The following MT1E variants were observed in gnomAD, a reference collection of about 807,000 sequenced individuals.
The protein encoded by MT1E is metallothionein-1E.
In MT1E, 1 loss-of-function variant was observed where a neutral mutation model predicts 2.4. The observed-to-expected ratio is 0.41, with a 90% CI of 0.15 to 1.97. The LOEUF (loss-of-function observed/expected upper bound fraction) is 1.97. Ranked by LOEUF, MT1E falls within the 30% of genes most tolerant of loss-of-function variation. The pLI is 0.30. For synonymous variants in MT1E, 78 were observed against 63.0 expected (o/e 1.24, Z -1.13); for missense variants, 145 against 149.6 (o/e 0.97, Z 0.16).
chr16:56,626,375 C>A, intron 1 of MT1E, 91 bp from the exon 2 acceptor site: 2 of 1,584,496 alleles, frequency 1.3e-6, no homozygotes, highest in Non-Finnish European at 1.7e-6. Flanking sequence ...GCTGGCCCTG[C>A]ACAGAGGAGG....
chr16:56,625,818 A>G lies in MT1E; in HGVS notation c.-34A>G. ...AACTGCCTGACTGCTTGTTCGTCTC[A>G]CTGGTGTGAGCTCCAGCATCCCCTT... On this transcript the variant is annotated 5_prime_UTR_variant, in exon 1 of 2. Coordinates refer to ENST00000330439, the MANE Select transcript of MT1E (RefSeq NM_001363555.2). 6.2e-7 allele frequency: 1 copy of G among 1,612,344 alleles called. No individual in the cohort carries two copies. Among genetic ancestry groups the G allele is most frequent in the East Asian group, 2.2e-5 (1 of 44,860 alleles).
At chr16:56,626,379 G>C (rs1960208453) in intron 1 of MT1E, 87 bp from the exon 2 acceptor site, 2 of 1,592,904 alleles carry the variant, frequency 1.3e-6, no homozygotes, top group African/African-American at 1.3e-5. Context: ...GCCCTGCACA[G>C]AGGAGGGGGC....
chr16:56,626,131 C>T (rs1487644351), intron 1 of MT1E, among the ~76,000 whole-genome samples: 2 of 152,144 alleles, frequency 1.3e-5, no homozygotes, highest in Non-Finnish European at 1.5e-5. Flanking sequence ...TGGCTGGGCC[C>T]CAGTGCTCTG....
At position 56,627,112 on chromosome 16, in the gene MT1E, A is replaced by G; in HGVS notation, c.*291A>G. The G allele has an allele frequency of 8.3e-7, 1 of 1,208,012 alleles. No homozygotes were observed. Among genetic ancestry groups the G allele is most frequent in the East Asian group, 2.6e-5 (1 of 39,200 alleles). 74.8% of individuals were successfully genotyped at this position (1,208,012 alleles called of 1,614,324 possible). On this transcript the variant is annotated 3_prime_UTR_variant, in exon 2 of 2. Transcript: ENST00000330439. ...GACAATAAAAACAATTTTGACTTTA[A>G]TCTTACTCTGTTCTTCTTTGTGTGT...
At position 56,626,440 on chromosome 16, in the gene MT1E, C is replaced by T. The variant is rs1353550534; in HGVS notation, c.29-26C>T. 5.0e-6 allele frequency: 8 copies of T among 1,614,224 alleles called. No individual in the cohort carries two copies. The South Asian group carries it at 7.7e-5, about 16-fold the overall frequency. ...GTACCTTCTGCATCTCACTCACTGC[C>T]CACTGCGTTTTCCTCTTCCTTGTAG... is the stretch of plus-strand genomic sequence containing the variant. On this transcript the variant is annotated intron_variant, in intron 1 of 1. Transcript: ENST00000330439.
In MT1E at chr16:56,627,055, G is replaced by C. The variant is rs1191319762; in HGVS notation, c.*234G>C. Reference sequence around the variant, plus strand: ...TTAAAAATACAACACTGAGCCATTTGCTGCATTTCTTTTTATACTAAATAT... The same window carrying C: ...TTAAAAATACAACACTGAGCCATTTCCTGCATTTCTTTTTATACTAAATAT... On this transcript the variant is annotated 3_prime_UTR_variant, in exon 2 of 2. Coordinates refer to ENST00000330439, the MANE Select transcript of MT1E (RefSeq NM_001363555.2). 7.2e-6 allele frequency: 11 copies of C among 1,527,812 alleles called. No individual in the cohort carries two copies. The East Asian group carries it at 2.5e-4, about 35-fold the overall frequency. The allele number at this position is 1,527,812 out of a possible 1,614,324, so 94.6% of individuals were successfully genotyped here. A position where few individuals can be genotyped will look rare whatever the true frequency, so the allele number is the denominator to read the frequency against.
rs771733635 is a variant in MT1E at position 56,626,455 on chromosome 16, C to G, written c.29-11C>G. ...CACTCACTGCCCACTGCGTTTTCCT[C>G]TTCCTTGTAGGTGGCTCCTGCACGT... is the stretch of plus-strand genomic sequence containing the variant. On this transcript the variant is annotated splice_polypyrimidine_tract_variant and intron_variant, in intron 1 of 1. Transcript: ENST00000330439. 2 of 1,614,264 alleles carry G rather than the reference C, an allele frequency of 1.2e-6. No homozygotes were observed. Among genetic ancestry groups the G allele is most frequent in the South Asian group, 1.1e-5 (1 of 91,090 alleles).
At chr16:56,625,983 C>G in intron 1 of MT1E, 104 bp downstream of exon 1, 1 of 1,334,814 alleles carries the variant, frequency 7.5e-7, no homozygotes, top group South Asian at 1.2e-5. Context: ...ACGGGGACTC[C>G]AGTACTTCGT....
At chr16:56,626,425 C>T in intron 1 of MT1E, 41 bp from the exon 2 acceptor site, 1 of 1,614,196 alleles carries the variant, frequency 6.2e-7, no homozygotes, top group African/African-American at 1.3e-5. Context: ...GTACCTTCTG[C>T]ATCTCACTCA....
Position 56,626,685 on chromosome 16 carries a change from G to A in MT1E, c.248G>A (p.Arg83Lys), listed in dbSNP as rs1567342047. The change falls in exon 2 of 2, where the codon AGA becomes AAA. Residue 83 changes from arginine to lysine, a missense_variant. Physicochemically the swap from Arg to Lys is conservative, Grantham distance 26. Coordinates refer to ENST00000330439, the MANE Select transcript of MT1E (RefSeq NM_001363555.2). ...CTCCAGGCTTTCTGCCCTAAATTCA[G>A]ATGGGGCAGGACAGCATTTTTCTCG... Reference protein sequence around the residue: ...FPLQAFCPKFRWGRTAFFSWD... With the variant: ...FPLQAFCPKFKWGRTAFFSWD... 1.9e-6 allele frequency: 3 copies of A among 1,590,272 alleles called. No homozygotes were observed. In the South Asian group the frequency reaches 3.4e-5, roughly 18 times the overall value.
intron 1 of MT1E, 67 bp downstream of exon 1, chr16:56,625,946 A>C: frequency 6.3e-7 from 1 of 1,592,646 alleles, no homozygotes. Flanking sequence ...TCTGGGTTTC[A>C]GGAAGTCGCA....
At position 56,626,592 on chromosome 16, in the gene MT1E, G is replaced by C. The variant is rs767920008; in HGVS notation, c.155G>C (p.Arg52Thr). ...GLWLRLGGNS[R>T]LALSASFWGT... is the part of the protein sequence containing the mutation. ...TGGCTCAGGTTGGGAGGGAACTCAA[G>C]GCTGGCCCTGAGTGCATCCTTCTGG... Residue 52 changes from arginine (R) to threonine (T), a missense_variant, in exon 2 of 2, where the codon AGG becomes ACG. By Grantham distance (71) the Arg-to-Thr change is moderately conservative. Coordinates refer to ENST00000330439, the MANE Select transcript of MT1E (RefSeq NM_001363555.2). 6.2e-7 allele frequency: 1 copy of C among 1,614,106 alleles called. No individual in the cohort carries two copies. Among genetic ancestry groups the C allele is most frequent in the Non-Finnish European group, 8.5e-7 (1 of 1,180,040 alleles).
At position 56,626,673 on chromosome 16, in the gene MT1E, G is replaced by A. The variant is rs2037430035; in HGVS notation, c.236G>A (p.Cys79Tyr). 6.3e-7 allele frequency: 1 copy of A among 1,595,390 alleles called. No homozygotes were observed. Among genetic ancestry groups the A allele is most frequent in the Admixed American group, 1.8e-5 (1 of 55,814 alleles). The change falls in exon 2 of 2, where the codon TGC becomes TAC. Residue 79 changes from cysteine (C) to tyrosine (Y), a missense_variant. Cys to Tyr is a radical substitution (Grantham distance 194, BLOSUM62 -2). Transcript: ENST00000330439. ...LPVSFPLQAF[C>Y]PKFRWGRTAF... ...GTGTCATTCCCTCTCCAGGCTTTCT[G>A]CCCTAAATTCAGATGGGGCAGGACA... is the stretch of plus-strand genomic sequence containing the variant.
chr16:56,626,039 C>CCT (rs1960203648), intron 1 of MT1E, among the ~76,000 whole-genome samples, 160 bp downstream of exon 1: 1 of 152,108 alleles, frequency 6.6e-6, no homozygotes, highest in Non-Finnish European at 1.5e-5. Context: ...TTGCCCTCAT[C>CCT]CCTGGGCCTC....
Position 56,626,469 on chromosome 16 carries a change from G to T in MT1E, c.32G>T (p.Gly11Val). ...TGCGTTTTCCTCTTCCTTGTAGGTG[G>T]CTCCTGCACGTGCGCCGGCTCCTGC... The part of the protein sequence containing the change: MDPNCSCATG[G>V]SCTCAGSCKC... Residue 11 changes from glycine to valine, a missense_variant, in exon 2 of 2, where the codon GGC (glycine) becomes GTC (valine). By Grantham distance (109) the Gly-to-Val change is moderately radical. Coordinates refer to ENST00000330439, the MANE Select transcript of MT1E (RefSeq NM_001363555.2). 2 of 1,614,204 alleles carry T rather than the reference G, an allele frequency of 1.2e-6. No homozygotes were observed. The highest frequency in any genetic ancestry group is 1.7e-6 in the Non-Finnish European group (2 of 1,180,030).
chr16:56,625,966 C>G, intron 1 of MT1E, 87 bp downstream of exon 1: 1 of 1,513,344 alleles, frequency 6.6e-7, no homozygotes, highest in Non-Finnish European at 9.2e-7. Context: ...ATTTTAAGTT[C>G]TGAGCGACGG....
chr16:56,625,813 G>A lies in MT1E; in HGVS notation c.-39G>A, dbSNP rs755612803. ...TTTCCAACTGCCTGACTGCTTGTTC[G>A]TCTCACTGGTGTGAGCTCCAGCATC... On this transcript the variant is annotated 5_prime_UTR_variant, in exon 1 of 2. Transcript: ENST00000330439. 2.5e-6 allele frequency: 4 copies of A among 1,611,990 alleles called. No homozygotes were observed. The African/African-American group carries it at 5.3e-5, about 22-fold the overall frequency.
At position 56,626,915 on chromosome 16, in the gene MT1E, T is replaced by C. The variant is rs1353604365; in HGVS notation, c.*94T>C. 5 of 1,614,058 alleles carry C rather than the reference T, an allele frequency of 3.1e-6. No individual in the cohort carries two copies. The highest frequency in any genetic ancestry group is 4.2e-6 in the Non-Finnish European group (5 of 1,180,038). ...CTGCTGCCCCGTGGGCTGTGCCAAG[T>C]GTGCCCAGGGCTGCGTCTGCAAAGG... On this transcript the variant is annotated 3_prime_UTR_variant, in exon 2 of 2. Transcript: ENST00000330439.
chr16:56,626,929 C>G lies in MT1E; in HGVS notation c.*108C>G, dbSNP rs72818418. The G allele has an allele frequency of 2.5e-6, 4 of 1,614,066 alleles. No homozygotes were observed. The East Asian group carries it at 8.9e-5, about 36-fold the overall frequency. On this transcript the variant is annotated 3_prime_UTR_variant, in exon 2 of 2. Transcript: ENST00000330439. ...GCTGTGCCAAGTGTGCCCAGGGCTG[C>G]GTCTGCAAAGGGGCATCGGAGAAGT...
Sources: allele counts gnomAD v4.1 joint callset (sites outside exome capture counted in the v4.1 genomes callset), GRCh38; gene constraint gnomAD v4.1.1; transcripts MANE v1.5; gene names NCBI Gene and HGNC (gene_info 2026-07-23, HGNC 2026-07-21).